The following HIVEP3 variants were observed in gnomAD, a reference collection of about 807,000 sequenced individuals.
HIVEP3 encodes the protein HIVEP zinc finger 3.
Under a neutral mutation model 152.8 loss-of-function variants are expected in HIVEP3, and 49 were observed. The observed-to-expected ratio is 0.32, with a 90% confidence interval of 0.26 to 0.41. The LOEUF (loss-of-function observed/expected upper bound fraction) is 0.41. Among genes scored for constraint, HIVEP3 ranks in the 10% least tolerant of loss-of-function variants. HIVEP3 has a pLI of 1.00. For missense variants in HIVEP3, 2,790 were observed against 3,103.3 expected, an observed-to-expected ratio of 0.90 and a Z score of 2.40; for synonymous variants, 1,269 against 1,289.0, an observed-to-expected ratio of 0.98 and a Z score of 0.33.
chr1:41,760,568 A>G (rs1350103596), intron 1 of HIVEP3, among the ~76,000 whole-genome samples: 1 of 152,208 alleles, frequency 6.6e-6, no homozygotes, highest in Non-Finnish European at 1.5e-5. Context: ...TCTAGGGCCT[A>G]TTATACAGTA....
chr1:41,621,991 T>C (rs1455723091), intron 3 of HIVEP3, among the ~76,000 whole-genome samples: 3 of 152,254 alleles, frequency 2.0e-5, no homozygotes, highest in African/African-American at 7.2e-5. Flanking sequence ...ACCATCATCA[T>C]TTCCTGCCTG....
intron 3 of HIVEP3, among the ~76,000 whole-genome samples, chr1:41,623,039 C>T (rs922833062): frequency 1.3e-5 from 2 of 152,182 alleles, no homozygotes; most frequent in East Asian, 3.8e-4. Context: ...GAGACAGAGC[C>T]CGGATGCAAA....
At chr1:41,878,622 G>A in intron 1 of HIVEP3, among the ~76,000 whole-genome samples, 1 of 151,974 alleles carries the variant, frequency 6.6e-6, no homozygotes, top group East Asian at 1.9e-4. Flanking sequence ...GGTGGGAGCT[G>A]AACTGGCCTA....
chr1:41,515,511 GGGGCCTAA>G lies in HIVEP3; in HGVS notation c.5471-1769_5471-1762del, dbSNP rs1484419590. Among the ~76,000 whole-genome samples the G allele has an allele frequency of 5.3e-5, 8 of 151,334 alleles. No homozygotes were observed. In the South Asian group the frequency reaches 1.5e-3, roughly 28 times the overall value. ...ACCTCCCTTGCCTAGGACTTTGGGA[GGGGCCTAA>G]TTCAACACCTGTTCACCTGGCCCTG... On this transcript the variant is annotated intron_variant, in intron 7 of 8. Transcript: ENST00000372583.
chr1:41,617,484 C>T (rs894677233), intron 3 of HIVEP3, among the ~76,000 whole-genome samples: 3 of 152,204 alleles, frequency 2.0e-5, no homozygotes, highest in African/African-American at 7.2e-5. Flanking sequence ...CTCAAGTATT[C>T]TGTTACCCAG....
chr1:41,706,032 C>T (rs1463019246), intron 1 of HIVEP3, among the ~76,000 whole-genome samples: 1 of 152,130 alleles, frequency 6.6e-6, no homozygotes, highest in Non-Finnish European at 1.5e-5. Context: ...GTTAACCTAC[C>T]ATTGAAAACT....
chr1:41,749,175 A>C (rs893931), intron 1 of HIVEP3, among the ~76,000 whole-genome samples: 128,158 of 152,164 alleles, frequency 0.84, 57,457 homozygotes, highest in Non-Finnish European at 1. Context: ...TAAAGGCATA[A>C]AAAGGTATGA....
At chr1:41,540,190 C>G (rs930310657) in intron 5 of HIVEP3, among the ~76,000 whole-genome samples, 1 of 152,222 alleles carries the variant, frequency 6.6e-6, no homozygotes, top group African/African-American at 2.4e-5. Context: ...TGACACTATG[C>G]GTACACCAGG....
chr1:41,918,621 T>C lies in HIVEP3; in HGVS notation c.-1009A>G, dbSNP rs1031622625. 2 of 152,222 alleles carry C rather than the reference T, an allele frequency of 1.3e-5. No individual in the cohort carries two copies. Among genetic ancestry groups the C allele is most frequent in the Non-Finnish European group, 2.9e-5 (2 of 68,060 alleles). The allele number at this position is 152,222 out of a possible 1,614,324, so 9.4% of individuals were successfully genotyped here. A position where few individuals can be genotyped will look rare whatever the true frequency, so the allele number is the denominator to read the frequency against. ...CCATCCAGGCATGCATGCGTGTTTG[T>C]ATACACACATATGCACACGGAATAG... On this transcript the variant is annotated 5_prime_UTR_variant, in exon 1 of 9. In the 5' UTR this introduces an upstream ATG that the reference lacks. Coordinates refer to ENST00000372583, the MANE Select transcript of HIVEP3 (RefSeq NM_024503.5). The surrounding 1 kb of genome is among the most constrained non-coding windows in gnomAD (Gnocchi z 4.3).
Position 41,510,461 on chromosome 1 carries a change from G to T in HIVEP3, c.7211C>A (p.Pro2404His), listed in dbSNP as rs74071559. The T allele has an allele frequency of 1.1e-5, 17 of 1,501,030 alleles. No homozygotes were observed. Among genetic ancestry groups the T allele is most frequent in the Non-Finnish European group, 1.4e-5 (16 of 1,123,006 alleles). The allele number at this position is 1,501,030 out of a possible 1,614,324, so 93.0% of individuals were successfully genotyped here. Residue 2404 changes from proline (P) to histidine (H), a missense_variant, in exon 9 of 9, where the codon CCC becomes CAC. Pro to His is a moderately conservative substitution (Grantham distance 77). Around this residue, in one of 9 missense-constraint regions of HIVEP3, gnomAD observed 816 missense variants for 806.5 expected, o/e 1.01. Coordinates refer to ENST00000372583, the MANE Select transcript of HIVEP3 (RefSeq NM_024503.5). ...GCAGTTGGAGAGAGGCTAAGCGTTG[G>T]GGGGAACCCTGTCCTCAGGCTGATG... ...HPHQPEDRVPPNA is the reference protein window; with the variant it reads ...HPHQPEDRVPHNA
chr1:41,980,116 GT>G (rs1645286191), intron 1 of HIVEP3, among the ~76,000 whole-genome samples: 1 of 152,184 alleles, frequency 6.6e-6, no homozygotes, highest in South Asian at 2.1e-4. Flanking sequence ...TGACAGTAAG[GT>G]AAAATGGTGC....
chr1:41,783,846 C>T (rs1476958049), intron 1 of HIVEP3, among the ~76,000 whole-genome samples: 1 of 152,158 alleles, frequency 6.6e-6, no homozygotes. Context: ...TGGCAATGGT[C>T]TGTTAGGACA....
chr1:41,696,808 T>C (rs999016650), intron 2 of HIVEP3, among the ~76,000 whole-genome samples: 3 of 152,200 alleles, frequency 2.0e-5, no homozygotes, highest in African/African-American at 7.2e-5. Context: ...ATTCACTAAA[T>C]AGCCCAGTCA....
intron 1 of HIVEP3, among the ~76,000 whole-genome samples, chr1:41,837,794 T>C (rs1042335629): frequency 4.6e-5 from 7 of 152,214 alleles, no homozygotes; most frequent in Non-Finnish European, 8.8e-5. Flanking sequence ...TGGTACCCAG[T>C]AGGTACTTGA....
chr1:41,912,632 T>C (rs1409470736), intron 1 of HIVEP3, among the ~76,000 whole-genome samples: 1 of 152,186 alleles, frequency 6.6e-6, no homozygotes, highest in Non-Finnish European at 1.5e-5. Context: ...ATAATCATAG[T>C]GGGTTTTTTT....
At chr1:41,788,016 C>T (rs1001891508) in intron 1 of HIVEP3, among the ~76,000 whole-genome samples, 1 of 152,170 alleles carries the variant, frequency 6.6e-6, no homozygotes, top group Non-Finnish European at 1.5e-5. Context: ...TTTAATGTGA[C>T]TTTGGGCTCA....
chr1:41,657,672 C>T (rs1171000580), intron 2 of HIVEP3, among the ~76,000 whole-genome samples: 1 of 152,228 alleles, frequency 6.6e-6, no homozygotes, highest in Non-Finnish European at 1.5e-5. Flanking sequence ...ATCTGTCACC[C>T]TGTAGGTAAG....
chr1:41,899,616 C>T (rs1644588398), intron 1 of HIVEP3, among the ~76,000 whole-genome samples: 2 of 152,222 alleles, frequency 1.3e-5, no homozygotes, highest in South Asian at 2.1e-4. Context: ...CCACGTTGGC[C>T]GGGCTGGTCT....
chr1:41,574,301 G>T (rs997369899), intron 5 of HIVEP3, among the ~76,000 whole-genome samples: 1 of 152,174 alleles, frequency 6.6e-6, no homozygotes, highest in African/African-American at 2.4e-5. Flanking sequence ...ACAGCAGGAG[G>T]ACCCGCGTCC....
Sources: allele counts gnomAD v4.1 joint callset (sites outside exome capture counted in the v4.1 genomes callset), GRCh38; gene constraint gnomAD v4.1.1; regional missense constraint gnomAD v4.1.1; non-coding constraint Gnocchi (gnomAD v3.1); transcripts MANE v1.5; gene names NCBI Gene and HGNC (gene_info 2026-07-23, HGNC 2026-07-21).